ZNF521: variants seen among roughly 807,000 people sequenced by gnomAD.
The protein encoded by ZNF521 is zinc finger protein 521.
A neutral mutation model predicts 105.5 loss-of-function variants in ZNF521; 14 were observed. That is an observed-to-expected ratio of 0.13 (90% confidence interval 0.09 to 0.21). ZNF521 has a LOEUF of 0.21. Among genes scored for constraint, ZNF521 ranks in the 10% least tolerant of loss-of-function variants. The pLI, the probability that ZNF521 is intolerant of heterozygous loss-of-function variation, is 1.00. For missense variants in ZNF521, 1,233 were observed against 1,629.7 expected, an observed-to-expected ratio of 0.76 and a Z score of 4.19; for synonymous variants, 635 against 606.0, an observed-to-expected ratio of 1.05 and a Z score of -0.70.
intron 4 of ZNF521, among the ~76,000 whole-genome samples, chr18:25,195,696 A>G (rs2035891310): frequency 6.6e-6 from 1 of 151,782 alleles, no homozygotes; most frequent in Non-Finnish European, 1.5e-5. Context: ...ATAAGTTAAG[A>G]TTCATGGATG....
At chr18:25,248,477 C>T (rs184449625) in intron 3 of ZNF521, among the ~76,000 whole-genome samples, 5 of 152,300 alleles carry the variant, frequency 3.3e-5, no homozygotes, top group Non-Finnish European at 7.4e-5. Context: ...AAAACGTAAA[C>T]TTCTTCATCA....
At chr18:25,145,158 GT>G (rs1006316596) in intron 5 of ZNF521, among the ~76,000 whole-genome samples, 32 of 152,256 alleles carry the variant, frequency 2.1e-4, no homozygotes, top group African/African-American at 7.5e-4. Flanking sequence ...CCAGACTGAG[GT>G]TTCAATATCA....
chr18:25,323,044 A>C (rs1448349790), intron 2 of ZNF521, among the ~76,000 whole-genome samples: 2 of 152,024 alleles, frequency 1.3e-5, no homozygotes, highest in Non-Finnish European at 2.9e-5. Flanking sequence ...CTTTTTGATT[A>C]GTTACGCTGT....
chr18:25,321,573 T>TA (rs1303470359), intron 3 of ZNF521, among the ~76,000 whole-genome samples: 1 of 152,180 alleles, frequency 6.6e-6, no homozygotes, highest in Admixed American at 6.5e-5. Context: ...TATTGAACTT[T>TA]ATGGGAACAC....
chr18:25,092,908 A>T (rs1292369249), intron 5 of ZNF521, among the ~76,000 whole-genome samples: 1 of 152,218 alleles, frequency 6.6e-6, no homozygotes, highest in Non-Finnish European at 1.5e-5. Flanking sequence ...ATTAAAATTT[A>T]AAATTGAAGT....
chr18:25,351,264 A>G (rs1362782143), intron 1 of ZNF521: 1 of 150,658 alleles, frequency 6.6e-6, no homozygotes, highest in African/African-American at 2.4e-5. Context: ...GAAAGGAGGG[A>G]AAAAAAGCTA....
intron 2 of ZNF521, among the ~76,000 whole-genome samples, chr18:25,341,252 C>G (rs960596360): frequency 6.6e-6 from 1 of 152,154 alleles, no homozygotes. Context: ...TGCTGCATTC[C>G]CTAGTGTTCT....
chr18:25,218,809 T>C (rs1012456606), intron 4 of ZNF521, among the ~76,000 whole-genome samples: 3 of 151,888 alleles, frequency 2.0e-5, no homozygotes, highest in Non-Finnish European at 2.9e-5. Flanking sequence ...GATCACGCCA[T>C]TGCACTCCAG....
At chr18:25,222,588 T>C (rs1905804199) in intron 4 of ZNF521, among the ~76,000 whole-genome samples, 1 of 152,176 alleles carries the variant, frequency 6.6e-6, no homozygotes, top group South Asian at 2.1e-4. Flanking sequence ...AATGCAGTCA[T>C]TTAAAATCAA....
chr18:25,243,936 T>C (rs45548037), intron 3 of ZNF521, among the ~76,000 whole-genome samples: 42,794 of 151,952 alleles, frequency 0.28, 6,158 homozygotes, highest in East Asian at 0.36. Context: ...CATTGATTCA[T>C]AGCATTTTTA....
chr18:25,328,058 G>A (rs1327156968), intron 2 of ZNF521, among the ~76,000 whole-genome samples: 1 of 152,148 alleles, frequency 6.6e-6, no homozygotes, highest in African/African-American at 2.4e-5. Flanking sequence ...TTTCTGCAAT[G>A]TTTATTTTCT....
At chr18:25,108,010 T>C (rs2034107914) in intron 5 of ZNF521, among the ~76,000 whole-genome samples, 1 of 152,240 alleles carries the variant, frequency 6.6e-6, no homozygotes, top group Admixed American at 6.5e-5. Context: ...CTCACAAGGC[T>C]TGTGCCTTCT....
At chr18:25,342,132 T>C (rs1403933060) in intron 2 of ZNF521, among the ~76,000 whole-genome samples, 1 of 152,212 alleles carries the variant, frequency 6.6e-6, no homozygotes, top group East Asian at 1.9e-4. Context: ...CAAGTCACAA[T>C]ACTTATGACC....
At chr18:25,344,912 A>C (rs1211259145) in intron 2 of ZNF521, among the ~76,000 whole-genome samples, 1 of 152,212 alleles carries the variant, frequency 6.6e-6, no homozygotes, top group African/African-American at 2.4e-5. Flanking sequence ...CAGATGAATT[A>C]ATAAAACACA....
intron 5 of ZNF521, among the ~76,000 whole-genome samples, chr18:25,187,605 T>C (rs1350514249): frequency 6.6e-6 from 1 of 152,234 alleles, no homozygotes; most frequent in African/African-American, 2.4e-5. Flanking sequence ...AGTGATATTT[T>C]AATGCATGAC....
Position 25,170,440 on chromosome 18 carries a change from G to A in ZNF521, c.3658+24720C>T, listed in dbSNP as rs184734652. ...ACATCTTTGTCCTTCCGTAGAGCCA[G>A]ACTGCAAAGTAAAAAGTTGTTTTTA... On this transcript the variant is annotated intron_variant, in intron 5 of 7. Transcript: ENST00000361524. Among the ~76,000 whole-genome samples, 301 of 152,174 alleles carry A rather than the reference G, an allele frequency of 2.0e-3. 1 individual carries two copies. Among genetic ancestry groups the A allele is most frequent in the Admixed American group, 5.2e-3 (79 of 15,276 alleles).
At position 25,149,850 on chromosome 18, in the gene ZNF521, A is replaced by G. The variant is rs190625674; in HGVS notation, c.3658+45310T>C. Among the ~76,000 whole-genome samples the G allele has an allele frequency of 1.4e-3, 208 of 152,326 alleles. 2 individuals carry two copies. Among genetic ancestry groups the G allele is most frequent in the Middle Eastern group, 3.4e-3 (1 of 294 alleles). ...TGAGACTCTGCCACCTGGGTGAGCA[A>G]TGATAGCTGATGATGTCAGTCACAG... is the stretch of plus-strand genomic sequence containing the variant. On this transcript the variant is annotated intron_variant, in intron 5 of 7. Transcript: ENST00000361524.
chr18:25,313,422 G>C lies in ZNF521; in HGVS notation c.220+8586C>G, dbSNP rs149505720. On this transcript the variant is annotated intron_variant, in intron 3 of 7. Transcript: ENST00000361524. ...TCTGGCCCTTTCACACCAAGTAAAA[G>C]CTCCTTGTCACCTACCATATGAAAG... Among the ~76,000 whole-genome samples, 86 of 152,028 alleles carry C rather than the reference G, an allele frequency of 5.7e-4. 1 individual carries two copies. In the East Asian group the frequency reaches 0.014, roughly 25 times the overall value.
At chr18:25,186,999 G>C (rs1476835110) in intron 5 of ZNF521, among the ~76,000 whole-genome samples, 1 of 151,972 alleles carries the variant, frequency 6.6e-6, no homozygotes, top group Non-Finnish European at 1.5e-5. Context: ...GTTCCATGTG[G>C]CTGCAAGATT....
Sources: allele counts gnomAD v4.1 joint callset (sites outside exome capture counted in the v4.1 genomes callset), GRCh38; gene constraint gnomAD v4.1.1; transcripts MANE v1.5; gene names NCBI Gene and HGNC (gene_info 2026-07-23, HGNC 2026-07-21).